The following YPEL1 variants were observed in gnomAD, a reference collection of about 807,000 sequenced individuals.
YPEL1 encodes the protein yippee like 1.
A neutral mutation model predicts 17.3 loss-of-function variants in YPEL1; 7 were observed. That is an observed-to-expected ratio of 0.40 (90% confidence interval 0.23 to 0.76). YPEL1 has a LOEUF of 0.76. Among genes scored for constraint, YPEL1 ranks in the 30% least tolerant of loss-of-function variants. The pLI is 0.35. For missense variants in YPEL1, 91 were observed against 155.5 expected (o/e 0.59, Z 2.21); for synonymous variants, 59 against 59.6 (o/e 0.99, Z 0.05).
At chr22:21,702,013 AC>A (rs960506928) in intron 4 of YPEL1, among the ~76,000 whole-genome samples, 1 of 151,662 alleles carries the variant, frequency 6.6e-6, no homozygotes, top group Non-Finnish European at 1.5e-5. Context: ...ATCGACCAAG[AC>A]CCTGTCTCAA....
chr22:21,704,052 T>G, intron 2 of YPEL1, 170 bp from the exon 3 acceptor site: 1 of 760,910 alleles, frequency 1.3e-6, no homozygotes, highest in Non-Finnish European at 2.4e-6. Context: ...TAACAGCCAC[T>G]TAACGGAGCT....
intron 1 of YPEL1, among the ~76,000 whole-genome samples, chr22:21,714,640 C>T (rs1301859089): frequency 1.3e-5 from 2 of 152,256 alleles, no homozygotes; most frequent in South Asian, 2.1e-4. Context: ...GCAGGTGTTT[C>T]GTTGGAACAA....
In YPEL1 at chr22:21,715,367, G is replaced by A. The variant is rs1039095119; in HGVS notation, c.-164-4459C>T. On this transcript the variant is annotated intron_variant, in intron 1 of 4. Transcript: ENST00000339468. ...ATATTAGCTGGGCGTGGTGGCGTGC[G>A]CCTGTAGTACCAGCTACTCGGGAGG... Among the ~76,000 whole-genome samples, 7 of 151,784 alleles carry A rather than the reference G, an allele frequency of 4.6e-5. No homozygotes were observed. In the South Asian group the frequency reaches 1.0e-3, roughly 23 times the overall value.
At position 21,703,752 on chromosome 22, in the gene YPEL1, G is replaced by A; in HGVS notation, c.161+87C>T. On this transcript the variant is annotated intron_variant, in intron 3 of 4. Transcript: ENST00000339468. The surrounding 1 kb of genome is among the most constrained non-coding windows in gnomAD (Gnocchi z 6.1). The stretch of plus-strand genomic sequence containing the variant: ...TCTTTCAGGACCCCTAAAGACCCAG[G>A]TGATTCTACACAGGGCACTGTGTAG... 7.0e-7 allele frequency: 1 copy of A among 1,438,320 alleles called. No individual in the cohort carries two copies. 89.1% of individuals were successfully genotyped at this position (1,438,320 alleles called of 1,614,324 possible). A position where few individuals can be genotyped will look rare whatever the true frequency, so the allele number is the denominator to read the frequency against.
rs114962879 is a variant in YPEL1 at position 21,717,349 on chromosome 22, C to T, written c.-164-6441G>A. On this transcript the variant is annotated intron_variant, in intron 1 of 4. Transcript: ENST00000339468. Reference sequence around the variant, plus strand: ...TGAGATTGCGCCACTGCACTCCAGCCTTGGGTAACAGAGCAATAGTCCGTC... The same window carrying T: ...TGAGATTGCGCCACTGCACTCCAGCTTTGGGTAACAGAGCAATAGTCCGTC... Among the ~76,000 whole-genome samples, 1,083 of 143,484 alleles carry T rather than the reference C, an allele frequency of 7.5e-3. 12 individuals are homozygous for T. The highest frequency in any genetic ancestry group is 0.027 in the African/African-American group (1,026 of 37,928). The allele number at this position is 143,484 out of a possible 152,430, so 94.1% of individuals were successfully genotyped here.
chr22:21,722,607 A>G (rs184925855), intron 1 of YPEL1, among the ~76,000 whole-genome samples: 300 of 148,304 alleles, frequency 2.0e-3, no homozygotes, highest in African/African-American at 7.1e-3. Context: ...ACAGAGTGAG[A>G]CTCTGTCTCG....
At chr22:21,714,017 C>T (rs747559551) in intron 1 of YPEL1, among the ~76,000 whole-genome samples, 16 of 152,156 alleles carry the variant, frequency 1.1e-4, no homozygotes, top group Non-Finnish European at 2.2e-4. Flanking sequence ...TGTCCTCACA[C>T]CTGCTCCTCC....
At chr22:21,701,283 T>C in intron 4 of YPEL1, 65 bp from the exon 5 acceptor site, 2 of 1,295,334 alleles carry the variant, frequency 1.5e-6, no homozygotes, top group Non-Finnish European at 1.1e-6. Flanking sequence ...ATCACTCTTT[T>C]GGCAAAAACC....
In YPEL1 at chr22:21,698,588, A is replaced by C. The variant is rs1471473947; in HGVS notation, c.*2541T>G. ...GGCTGGGTTCCCACATGGGAGAGGAATGAAGACTCACTCAAAGGGAAGGGT... is the reference window on the plus strand; with the variant it reads ...GGCTGGGTTCCCACATGGGAGAGGACTGAAGACTCACTCAAAGGGAAGGGT... On this transcript the variant is annotated 3_prime_UTR_variant, in exon 5 of 5. Coordinates refer to ENST00000339468, the MANE Select transcript of YPEL1 (RefSeq NM_013313.5). 6.6e-6 allele frequency: 1 copy of C among 152,352 alleles called. No homozygotes were observed. The highest frequency in any genetic ancestry group is 1.5e-5 in the Non-Finnish European group (1 of 68,042). The allele number at this position is 152,352 out of a possible 1,614,324, so 9.4% of individuals were successfully genotyped here. A position where few individuals can be genotyped will look rare whatever the true frequency, so the allele number is the denominator to read the frequency against.
intron 1 of YPEL1, among the ~76,000 whole-genome samples, chr22:21,715,073 T>C (rs897109484): frequency 4.6e-5 from 7 of 152,196 alleles, no homozygotes; most frequent in Non-Finnish European, 1.0e-4. Flanking sequence ...CATGTATGTA[T>C]AGTATGTGGA....
In YPEL1 at chr22:21,703,905, G is replaced by A; in HGVS notation, c.118-23C>T. ...GGACTGAAAGAAGAAGGTCCCGTGA[G>A]ATTGGCTGCGAGTGCTTTCTGGAAC... On this transcript the variant is annotated intron_variant, in intron 2 of 4. Transcript: ENST00000339468. This position sits in a 1 kb window ranked among gnomAD's most constrained non-coding sequence, Gnocchi z 6.1. 2.5e-6 allele frequency: 4 copies of A among 1,579,830 alleles called. No individual in the cohort carries two copies. The highest frequency in any genetic ancestry group is 4.7e-5 in the East Asian group (2 of 42,458).
chr22:21,710,312 C>T (rs763260922), intron 2 of YPEL1, among the ~76,000 whole-genome samples: 16 of 152,198 alleles, frequency 1.1e-4, no homozygotes, highest in Non-Finnish European at 1.8e-4. Context: ...TTTTTCTAGA[C>T]TTCTTTTGCT....
chr22:21,707,307 C>T (rs1218207949), intron 2 of YPEL1, among the ~76,000 whole-genome samples: 1 of 152,152 alleles, frequency 6.6e-6, no homozygotes, highest in Non-Finnish European at 1.5e-5. Context: ...GTCCCAGCTA[C>T]TCAGAAGGCT....
chr22:21,720,819 T>TG (rs1158172340), intron 1 of YPEL1, among the ~76,000 whole-genome samples: 2 of 149,920 alleles, frequency 1.3e-5, no homozygotes, highest in East Asian at 1.9e-4. Flanking sequence ...TTTTGTTTTT[T>TG]TTTTTTTTTT....
chr22:21,725,462 C>T (rs1264003945), intron 1 of YPEL1, among the ~76,000 whole-genome samples: 1 of 151,970 alleles, frequency 6.6e-6, no homozygotes, highest in Non-Finnish European at 1.5e-5. Flanking sequence ...ATCTCCTGAC[C>T]TCATTATCCG....
intron 2 of YPEL1, among the ~76,000 whole-genome samples, chr22:21,704,922 A>C (rs1248747917): frequency 2.0e-5 from 3 of 152,056 alleles, no homozygotes; most frequent in Non-Finnish European, 4.4e-5. Flanking sequence ...GTCTCAATCG[A>C]CCTCAAACAT....
At chr22:21,728,844 T>A (rs2068360688) in intron 1 of YPEL1, among the ~76,000 whole-genome samples, 1 of 151,894 alleles carries the variant, frequency 6.6e-6, no homozygotes, top group South Asian at 2.1e-4. Flanking sequence ...ACCCCGTCTC[T>A]ACAAAAAAAT....
Position 21,703,820 on chromosome 22 carries a change from G to A in YPEL1, c.161+19C>T, listed in dbSNP as rs2068089845. On this transcript the variant is annotated intron_variant, in intron 3 of 4. Transcript: ENST00000339468. The surrounding 1 kb of genome is among the most constrained non-coding windows in gnomAD (Gnocchi z 6.1). ...CCAGGGCCCGTGCCGCTCCCCCCGGGCTGAACCAGGGTACTCACACGGAAT... is the reference window on the plus strand; with the variant it reads ...CCAGGGCCCGTGCCGCTCCCCCCGGACTGAACCAGGGTACTCACACGGAAT... 6.2e-7 allele frequency: 1 copy of A among 1,607,912 alleles called. No individual in the cohort carries two copies. Among genetic ancestry groups the A allele is most frequent in the East Asian group, 2.3e-5 (1 of 44,428 alleles).
In YPEL1 at chr22:21,703,894, A is replaced by C; in HGVS notation, c.118-12T>G. The C allele has an allele frequency of 6.3e-7, 1 of 1,590,500 alleles. No homozygotes were observed. Among genetic ancestry groups the C allele is most frequent in the Non-Finnish European group, 8.6e-7 (1 of 1,168,880 alleles). On this transcript the variant is annotated splice_polypyrimidine_tract_variant and intron_variant, in intron 2 of 4. Coordinates refer to ENST00000339468, the MANE Select transcript of YPEL1 (RefSeq NM_013313.5). The surrounding 1 kb of genome is among the most constrained non-coding windows in gnomAD (Gnocchi z 6.1). Reference sequence around the variant, plus strand: ...CTCCCCTGAAAGGACTGAAAGAAGAAGGTCCCGTGAGATTGGCTGCGAGTG... The same window carrying C: ...CTCCCCTGAAAGGACTGAAAGAAGACGGTCCCGTGAGATTGGCTGCGAGTG...
Sources: gnomAD v4.1 joint callset for allele counts (sites outside exome capture counted in the v4.1 genomes callset) on GRCh38, gnomAD v4.1.1 for gene constraint, Gnocchi (gnomAD v3.1) non-coding constraint, MANE v1.5 for transcripts, NCBI Gene and HGNC (gene_info 2026-07-23, HGNC 2026-07-21) for gene names.